The following UBAP1 variants were observed in gnomAD, a reference collection of about 807,000 sequenced individuals.
The protein encoded by UBAP1 is ubiquitin-associated protein 1.
Under a neutral mutation model 39.0 loss-of-function variants are expected in UBAP1, and 5 were observed. The observed-to-expected ratio is 0.13, with a 90% CI of 0.07 to 0.27. UBAP1 has a LOEUF of 0.27. UBAP1 is among the 10% of genes least tolerant of loss of function. The pLI is 1.00. For synonymous variants in UBAP1, 211 were observed against 225.1 expected (o/e 0.94, Z 0.56); for missense variants, 490 against 608.1 (o/e 0.81, Z 2.04).
chr9:34,200,990 A>G (rs1156620317), intron 1 of UBAP1, among the ~76,000 whole-genome samples: 2 of 152,060 alleles, frequency 1.3e-5, no homozygotes, highest in Admixed American at 1.3e-4. Flanking sequence ...GCTCACCGCA[A>G]TCTCCGCCTC....
chr9:34,227,248 A>T (rs1833154467), intron 2 of UBAP1, among the ~76,000 whole-genome samples: 1 of 152,012 alleles, frequency 6.6e-6, no homozygotes, highest in South Asian at 2.1e-4. Context: ...TTGTATATTT[A>T]TGATTTTGCC....
chr9:34,184,601 A>G (rs538361725), intron 1 of UBAP1, among the ~76,000 whole-genome samples: 123 of 139,834 alleles, frequency 8.8e-4, no homozygotes, highest in African/African-American at 3.0e-3. Context: ...ACTGCACTCC[A>G]GCCTGGGCAA....
chr9:34,250,955 T>C, intron 6 of UBAP1, 196 bp downstream of exon 6: 1 of 594,348 alleles, frequency 1.7e-6, no homozygotes, highest in Non-Finnish European at 3.1e-6. Context: ...AGCATTGGGT[T>C]GAAAACTTCA....
At chr9:34,242,298 C>T (rs1294336154) in intron 4 of UBAP1, among the ~76,000 whole-genome samples, 190 bp downstream of exon 4, 1 of 151,960 alleles carries the variant, frequency 6.6e-6, no homozygotes, top group East Asian at 1.9e-4. Flanking sequence ...ACAACAGGCA[C>T]ATGCCATCAC....
chr9:34,241,582 G>C lies in UBAP1; in HGVS notation c.557G>C (p.Gly186Ala). The C allele has an allele frequency of 6.2e-7, 1 of 1,614,104 alleles. No homozygotes were observed. The highest frequency in any genetic ancestry group is 8.5e-7 in the Non-Finnish European group (1 of 1,180,010). Residue 186 changes from glycine to alanine, a missense_variant, in exon 4 of 7, where the codon GGA becomes GCA. Coordinates refer to ENST00000297661, the MANE Select transcript of UBAP1 (RefSeq NM_016525.5). ...EKEELRNILV[G>A]TTGPIMAQLL... ...GAAGAGCTGAGAAATATTCTGGTAGGAACCACTGGACCCATTATGGCTCAG... is the reference window on the plus strand; with the variant it reads ...GAAGAGCTGAGAAATATTCTGGTAGCAACCACTGGACCCATTATGGCTCAG...
At position 34,241,393 on chromosome 9, in the gene UBAP1, G is replaced by A. The variant is rs542392560; in HGVS notation, c.368G>A (p.Ser123Asn). Residue 123 changes from serine to asparagine, a missense_variant, in exon 4 of 7, where the codon AGC becomes AAC. Coordinates refer to ENST00000297661, the MANE Select transcript of UBAP1 (RefSeq NM_016525.5). ...MPPPINPILA[S>N]LQHNSILTPT... Reference sequence around the variant, plus strand: ...CCTCCTATTAACCCCATCCTCGCCAGCTTGCAGCACAACAGCATCCTCACA... The same window carrying A: ...CCTCCTATTAACCCCATCCTCGCCAACTTGCAGCACAACAGCATCCTCACA... 2.0e-5 allele frequency: 31 copies of A among 1,566,948 alleles called. No individual in the cohort carries two copies. Among genetic ancestry groups the A allele is most frequent in the Non-Finnish European group, 2.3e-5 (27 of 1,156,426 alleles).
chr9:34,183,377 A>G (rs1384877624), intron 1 of UBAP1, among the ~76,000 whole-genome samples: 1 of 151,542 alleles, frequency 6.6e-6, no homozygotes. Flanking sequence ...TCCCGTCTGT[A>G]CTAAAAAATA....
At chr9:34,202,980 T>C (rs534354872) in intron 1 of UBAP1, among the ~76,000 whole-genome samples, 20 of 152,160 alleles carry the variant, frequency 1.3e-4, no homozygotes, top group Non-Finnish European at 2.6e-4. Context: ...AAGTTAGTGA[T>C]TGCTTGAGAT....
At position 34,231,127 on chromosome 9, in the gene UBAP1, A is replaced by ATATGTGTGTGTGTG. The variant is rs1554651700; in HGVS notation, c.35-3088_35-3087insATGTGTGTGTGTGT. Among the ~76,000 whole-genome samples the ATATGTGTGTGTGTG allele has an allele frequency of 2.9e-5, 4 of 137,122 alleles. No individual in the cohort carries two copies. In the East Asian group the frequency reaches 8.1e-4, roughly 28 times the overall value. The allele number at this position is 137,122 out of a possible 152,430, so 90.0% of individuals were successfully genotyped here. ...GGGCAAATGTCTCTTTAAAAAAATT[A>ATATGTGTGTGTGTG]TGTGTGTGTGTGTGTGTGTGTGTGT... On this transcript the variant is annotated intron_variant, in intron 2 of 6. Transcript: ENST00000297661.
At chr9:34,229,466 C>A (rs373994995) in intron 2 of UBAP1, among the ~76,000 whole-genome samples, 33 of 151,902 alleles carry the variant, frequency 2.2e-4, no homozygotes, top group African/African-American at 8.0e-4. Context: ...CCATGTTGGC[C>A]AGGATGGTCT....
chr9:34,224,006 AT>A, intron 2 of UBAP1: 2 of 470,240 alleles, frequency 4.3e-6, no homozygotes, highest in Non-Finnish European at 7.8e-6. Flanking sequence ...CCGGACCTTG[AT>A]TTTCCTAAGA....
rs369960758 is a variant in UBAP1 at position 34,206,938 on chromosome 9, C to T, written c.-7-13970C>T. Among the ~76,000 whole-genome samples, 6 of 151,920 alleles carry T rather than the reference C, an allele frequency of 3.9e-5. No homozygotes were observed. In the East Asian group the frequency reaches 5.8e-4, roughly 15 times the overall value. ...CCACTAATCTGTATTTGTACCAGTACGACACAGCTTTCAGTATTGTATCTT... is the reference window on the plus strand; with the variant it reads ...CCACTAATCTGTATTTGTACCAGTATGACACAGCTTTCAGTATTGTATCTT... On this transcript the variant is annotated intron_variant, in intron 1 of 6. Transcript: ENST00000297661.
chr9:34,217,663 C>G (rs931767452), intron 1 of UBAP1, among the ~76,000 whole-genome samples: 3 of 149,272 alleles, frequency 2.0e-5, no homozygotes, highest in African/African-American at 7.4e-5. Context: ...ATGAGATAAA[C>G]TTTTTTATAT....
chr9:34,232,993 G>A (rs1457148605), intron 2 of UBAP1, among the ~76,000 whole-genome samples: 1 of 152,094 alleles, frequency 6.6e-6, no homozygotes, highest in Non-Finnish European at 1.5e-5. Flanking sequence ...ATCTGACCCC[G>A]TGAATAGATG....
chr9:34,241,115 A>G (rs913826992), intron 3 of UBAP1, 70 bp from the exon 4 acceptor site: 1 of 1,115,776 alleles, frequency 9.0e-7, no homozygotes. Flanking sequence ...GTGAGGAAGG[A>G]GTGAATTGGG....
chr9:34,223,870 T>G (rs1156249114), intron 2 of UBAP1: 1 of 232,784 alleles, frequency 4.3e-6, no homozygotes, highest in East Asian at 8.8e-5. Flanking sequence ...AGTTCCTGGT[T>G]GAATTTCACT....
chr9:34,235,349 A>AT (rs1402656215), intron 3 of UBAP1, among the ~76,000 whole-genome samples: 2 of 150,592 alleles, frequency 1.3e-5, no homozygotes, highest in African/African-American at 2.4e-5. Context: ...ATATGTATGT[A>AT]TTTTTTTGAG....
chr9:34,192,889 C>T (rs1394876860), intron 1 of UBAP1, among the ~76,000 whole-genome samples: 1 of 109,686 alleles, frequency 9.1e-6, no homozygotes, highest in African/African-American at 2.8e-5. Context: ...TAGTTCTTTA[C>T]AACTATAATT....
intron 3 of UBAP1, among the ~76,000 whole-genome samples, chr9:34,240,821 A>G (rs1346725302): frequency 6.6e-6 from 1 of 152,220 alleles, no homozygotes; most frequent in Non-Finnish European, 1.5e-5. Context: ...GAGAAAATCT[A>G]GAGAGTTAAT....
Sources: allele counts gnomAD v4.1 joint callset (sites outside exome capture counted in the v4.1 genomes callset), GRCh38; gene constraint gnomAD v4.1.1; transcripts MANE v1.5; gene names NCBI Gene and HGNC (gene_info 2026-07-23, HGNC 2026-07-21).